Variants in HABP4 observed in about 807,000 individuals in gnomAD.
The protein encoded by HABP4 is intracellular hyaluronan-binding protein 4.
HABP4 carries 32 observed loss-of-function variants against 44.1 expected under a neutral mutation model. That is an observed-to-expected ratio of 0.73 (90% CI 0.55 to 0.97). The LOEUF (loss-of-function observed/expected upper bound fraction) is 0.97, where lower values mean the gene tolerates loss of function less well. HABP4 is among the 50% of genes least tolerant of loss of function. The pLI is 0.00. For missense variants in HABP4, 503 were observed against 561.9 expected (o/e 0.90, Z 1.06); for synonymous variants, 216 against 218.0 (o/e 0.99, Z 0.08).
At chr9:96,483,930 C>T (rs1180822056) in intron 5 of HABP4, 2 of 152,150 alleles carry the variant, frequency 1.3e-5, no homozygotes, top group Non-Finnish European at 2.9e-5. Flanking sequence ...TTGTCTTTGG[C>T]ACCACGGTTG....
rs561138287 is a variant in HABP4 at position 96,470,640 on chromosome 9, C to T, written c.744-371C>T. On this transcript the variant is annotated intron_variant, in intron 4 of 7. Coordinates refer to ENST00000375249, the MANE Select transcript of HABP4 (RefSeq NM_014282.4). Reference sequence around the variant, plus strand: ...CCTCAATAGGCCAGGCACAGCAGCTCGTAACTGTAACCCCAGCACTTTGGG... The same window carrying T: ...CCTCAATAGGCCAGGCACAGCAGCTTGTAACTGTAACCCCAGCACTTTGGG... Among the ~76,000 whole-genome samples the T allele has an allele frequency of 5.9e-5, 9 of 151,948 alleles. No individual in the cohort carries two copies. The East Asian group carries it at 9.7e-4, about 16-fold the overall frequency.
chr9:96,450,515 C>T lies in HABP4; in HGVS notation c.236C>T (p.Ser79Leu), dbSNP rs949161097. 417 of 1,218,970 alleles carry T rather than the reference C, an allele frequency of 3.4e-4. 1 individual carries two copies. Among genetic ancestry groups the T allele is most frequent in the Non-Finnish European group, 4.2e-4 (412 of 979,914 alleles). 75.5% of individuals were successfully genotyped at this position (1,218,970 alleles called of 1,614,324 possible). ...GGCGGCAGGAGCCCAGCCGGGGCCT[C>T]GGGCCACAGAGCCGGCGCGGGCGGC... is the stretch of plus-strand genomic sequence containing the variant. ...PRGGRSPAGASGHRAGAGGRR... is the reference protein window; with the variant it reads ...PRGGRSPAGALGHRAGAGGRR... The change falls in exon 1 of 8, where the codon TCG (serine) becomes TTG (leucine). Residue 79 changes from serine (S) to leucine (L), a missense_variant. Physicochemically the swap from Ser to Leu is moderately radical, Grantham distance 145. Around this residue, in one of 3 missense-constraint regions of HABP4, gnomAD observed 290 missense variants for 300.5 expected, o/e 0.97. Coordinates refer to ENST00000375249, the MANE Select transcript of HABP4 (RefSeq NM_014282.4). The surrounding 1 kb of genome is among the most constrained non-coding windows in gnomAD (Gnocchi z 4.8).
chr9:96,483,962 G>C (rs918996635), intron 5 of HABP4: 1 of 152,202 alleles, frequency 6.6e-6, no homozygotes, highest in Non-Finnish European at 1.5e-5. Flanking sequence ...TCAGTTGACC[G>C]TAAATGTGAG....
intron 4 of HABP4, among the ~76,000 whole-genome samples, chr9:96,469,897 T>G (rs1336105524): frequency 6.6e-6 from 1 of 152,218 alleles, no homozygotes; most frequent in East Asian, 1.9e-4. Flanking sequence ...CTTTCAGTTT[T>G]GATCATACAG....
intron 2 of HABP4, among the ~76,000 whole-genome samples, chr9:96,462,771 A>G (rs778978114): frequency 6.6e-6 from 1 of 151,942 alleles, no homozygotes; most frequent in Non-Finnish European, 1.5e-5. Flanking sequence ...TACAAAGGGT[A>G]GTTAGCCGAG....
intron 7 of HABP4, among the ~76,000 whole-genome samples, chr9:96,489,109 C>T (rs16910892): frequency 7.2e-4 from 110 of 152,268 alleles, no homozygotes; most frequent in African/African-American, 2.6e-3. Context: ...CCGGTTCCCT[C>T]GCTCTAGGGA....
At chr9:96,465,602 T>C in intron 3 of HABP4, 104 bp downstream of exon 3, 1 of 1,154,340 alleles carries the variant, frequency 8.7e-7, no homozygotes, top group Non-Finnish European at 1.3e-6. Context: ...ACTGTGCTGT[T>C]ATTCTTGTGA....
intron 5 of HABP4, among the ~76,000 whole-genome samples, chr9:96,474,562 C>A (rs73540705): frequency 0.029 from 4,410 of 152,146 alleles, 227 homozygotes; most frequent in African/African-American, 0.1. Context: ...TTCTGCTGAC[C>A]TGGGGGGAAA....
intron 2 of HABP4, among the ~76,000 whole-genome samples, chr9:96,461,973 A>C (rs889905786): frequency 1.3e-5 from 2 of 150,578 alleles, no homozygotes; most frequent in Non-Finnish European, 3.0e-5. Flanking sequence ...CCTGGCCAAC[A>C]TAGTGAATCC....
At chr9:96,456,042 G>A (rs1380612211) in intron 1 of HABP4, among the ~76,000 whole-genome samples, 1 of 151,984 alleles carries the variant, frequency 6.6e-6, no homozygotes, top group Non-Finnish European at 1.5e-5. Context: ...GTGACAGAGC[G>A]AGACTCTGTC....
Position 96,450,212 on chromosome 9 carries a change from TG to T in HABP4, c.-66del. ...GCGGCGGAGCGGGCGGCATGGGTCC[TG>T]GCCGCCGGCTTCGCTGAGACGCGCT... is the stretch of plus-strand genomic sequence containing the variant. On this transcript the variant is annotated 5_prime_UTR_variant, in exon 1 of 8. An upstream open reading frame in the 5' UTR loses its in-frame stop. Transcript: ENST00000375249. The surrounding 1 kb of genome is among the most constrained non-coding windows in gnomAD (Gnocchi z 4.8). The T allele has an allele frequency of 7.9e-7, 1 of 1,272,768 alleles. No individual in the cohort carries two copies. Among genetic ancestry groups the T allele is most frequent in the Non-Finnish European group, 1.0e-6 (1 of 1,003,370 alleles). The allele number at this position is 1,272,768 out of a possible 1,614,324, so 78.8% of individuals were successfully genotyped here.
At chr9:96,479,329 A>G (rs1297083696) in intron 5 of HABP4, among the ~76,000 whole-genome samples, 2 of 149,634 alleles carry the variant, frequency 1.3e-5, no homozygotes, top group Admixed American at 1.3e-4. Flanking sequence ...ATGAGTAATC[A>G]AATTTGTATT....
chr9:96,483,561 G>T (rs1260184686), intron 5 of HABP4: 4 of 152,040 alleles, frequency 2.6e-5, no homozygotes, highest in Non-Finnish European at 5.9e-5. Context: ...TGTTCATAAA[G>T]AATTCTTTAT....
At chr9:96,457,875 ATAAG>A (rs1171539804) in intron 1 of HABP4, among the ~76,000 whole-genome samples, 1 of 152,228 alleles carries the variant, frequency 6.6e-6, no homozygotes, top group Non-Finnish European at 1.5e-5. Flanking sequence ...CTGTCTCAAA[ATAAG>A]TAATTAAGTA....
chr9:96,487,390 T>A (rs1313199940), intron 6 of HABP4, among the ~76,000 whole-genome samples: 1 of 152,182 alleles, frequency 6.6e-6, no homozygotes, highest in Non-Finnish European at 1.5e-5. Flanking sequence ...TTTAATTAAT[T>A]TATTTAATAT....
Position 96,450,239 on chromosome 9 carries a change from C to T in HABP4, c.-41C>T, listed in dbSNP as rs1476502613. 1 of 1,342,450 alleles carries T rather than the reference C, an allele frequency of 7.4e-7. No homozygotes were observed. The highest frequency in any genetic ancestry group is 9.6e-7 in the Non-Finnish European group (1 of 1,036,792). The allele number at this position is 1,342,450 out of a possible 1,614,324, so 83.2% of individuals were successfully genotyped here. A position where few individuals can be genotyped will look rare whatever the true frequency, so the allele number is the denominator to read the frequency against. ...GCCGCCGGCTTCGCTGAGACGCGCT[C>T]GCGTGGGCTGCCCTCCCGGGCCCGC... On this transcript the variant is annotated 5_prime_UTR_variant, in exon 1 of 8. Coordinates refer to ENST00000375249, the MANE Select transcript of HABP4 (RefSeq NM_014282.4). This position sits in a 1 kb window ranked among gnomAD's most constrained non-coding sequence, Gnocchi z 4.8.
chr9:96,455,900 C>A (rs1040173528), intron 1 of HABP4, among the ~76,000 whole-genome samples: 2 of 151,524 alleles, frequency 1.3e-5, no homozygotes, highest in Non-Finnish European at 2.9e-5. Flanking sequence ...ACTAAAAATA[C>A]AAAACTTAGC....
intron 5 of HABP4, chr9:96,483,304 T>G (rs1832911504): frequency 6.6e-6 from 1 of 152,212 alleles, no homozygotes; most frequent in South Asian, 2.1e-4. Context: ...CTCAGATCCT[T>G]GCCTTTTTTG....
At chr9:96,452,370 G>A (rs1382925603) in intron 1 of HABP4, among the ~76,000 whole-genome samples, 1 of 152,078 alleles carries the variant, frequency 6.6e-6, no homozygotes, top group Non-Finnish European at 1.5e-5. Flanking sequence ...ATGAGGTTAA[G>A]TGAAAATCCT....
Sources: allele counts gnomAD v4.1 joint callset (sites outside exome capture counted in the v4.1 genomes callset), GRCh38; gene constraint gnomAD v4.1.1; regional missense constraint gnomAD v4.1.1; non-coding constraint Gnocchi (gnomAD v3.1); transcripts MANE v1.5; gene names NCBI Gene and HGNC (gene_info 2026-07-23, HGNC 2026-07-21).